The following CLEC4F variants were observed in gnomAD, a reference collection of about 807,000 sequenced individuals.
CLEC4F encodes the protein C-type lectin domain family 4 member F.
In CLEC4F, 45 loss-of-function variants were observed where a neutral mutation model predicts 53.4. That is an observed-to-expected ratio of 0.84 (90% CI 0.66 to 1.08). The LOEUF is 1.08. Ranked by LOEUF, CLEC4F falls within the 50% of genes least tolerant of loss-of-function variation. CLEC4F has a pLI of 0.00. For missense variants in CLEC4F, 753 were observed against 698.2 expected (o/e 1.08, Z -0.88); for synonymous variants, 245 against 257.5 (o/e 0.95, Z 0.46).
upstream of CLEC4F, among the ~76,000 whole-genome samples, chr2:70,822,806 G>A (rs7573144): frequency 0.61 from 93,560 of 152,146 alleles, 29,229 homozygotes; most frequent in Middle Eastern, 0.7. Context: ...TCCATGTTGT[G>A]TTGTTTCTTT....
intron 5 of CLEC4F, chr2:70,811,005 T>C: frequency 1.7e-6 from 1 of 599,246 alleles, no homozygotes. Context: ...GGCATACTGA[T>C]TTTGGTGTCA....
At position 70,820,582 on chromosome 2, in the gene CLEC4F, C is replaced by T; in HGVS notation, c.-59G>A. 6 of 1,518,502 alleles carry T rather than the reference C, an allele frequency of 4.0e-6. No individual in the cohort carries two copies. Among genetic ancestry groups the T allele is most frequent in the African/African-American group, 1.4e-5 (1 of 72,552 alleles). The allele number at this position is 1,518,502 out of a possible 1,614,324, so 94.1% of individuals were successfully genotyped here. ...GCCACTGGCTCCTGGAAGGGCCGTC[C>T]CGTGGACCAATGGCAGTGGAAGCAA... On this transcript the variant is annotated 5_prime_UTR_variant, in exon 1 of 7. Transcript: ENST00000272367.
intron 3 of CLEC4F, 60 bp from the exon 4 acceptor site, chr2:70,817,172 T>C: frequency 6.6e-7 from 1 of 1,520,856 alleles, no homozygotes; most frequent in Non-Finnish European, 8.8e-7. Flanking sequence ...TAGCATTTTA[T>C]GGGCCACCCA....
At chr2:70,824,507 A>G (rs1047393732), upstream of CLEC4F, among the ~76,000 whole-genome samples, 1 of 151,944 alleles carries the variant, frequency 6.6e-6, no homozygotes, top group African/African-American at 2.4e-5. Flanking sequence ...ATTCTCCAAA[A>G]AAAGGAAACC....
chr2:70,812,727 C>T (rs782443798), intron 4 of CLEC4F, 129 bp from the exon 5 acceptor site: 158 of 943,530 alleles, frequency 1.7e-4, no homozygotes, highest in Non-Finnish European at 2.3e-4. Flanking sequence ...ATGTGCAGTG[C>T]TCCAGGAGAA....
chr2:70,816,983 G>C lies in CLEC4F; in HGVS notation c.398C>G (p.Ser133Trp). Residue 133 changes from serine to tryptophan, a missense_variant, in exon 4 of 7, where the codon TCG becomes TGG. Ser to Trp is a radical substitution (Grantham distance 177). Transcript: ENST00000272367. ...ATGATCACCGAGCACCTGGAGCTGC[G>C]AATTGACATTGTCCACTCTGCACTT... ...MLKCRVDNVN[S>W]QLQVLGDHLG... 1 of 1,614,142 alleles carries C rather than the reference G, an allele frequency of 6.2e-7. No individual in the cohort carries two copies. Among genetic ancestry groups the C allele is most frequent in the Non-Finnish European group, 8.5e-7 (1 of 1,180,028 alleles).
At chr2:70,809,658 TACTGGGAAGGGACAC>T (rs1676437315) in intron 6 of CLEC4F, 66 bp downstream of exon 6, 3 of 1,078,278 alleles carry the variant, frequency 2.8e-6, no homozygotes, top group Non-Finnish European at 4.3e-6. Flanking sequence ...CACTACCACT[TACTGGGAAGGGACAC>T]ACAGTGTGTA....
In CLEC4F at chr2:70,809,816, G is replaced by C. The variant is rs561064679; in HGVS notation, c.1581C>G (p.Ile527Met). 3 of 1,614,038 alleles carry C rather than the reference G, an allele frequency of 1.9e-6. No homozygotes were observed. The South Asian group carries it at 3.3e-5, about 18-fold the overall frequency. Residue 527 changes from isoleucine to methionine, a missense_variant, in exon 6 of 7, where the codon ATC becomes ATG. Transcript: ENST00000272367. ...VEFTSKVYYW[I>M]GLTDRGTEGS... ...CCTCTGTGCCCCTGTCAGTGAGACCGATCCAGTAGTACACTTTACTTGTGA... is the reference window on the plus strand; with the variant it reads ...CCTCTGTGCCCCTGTCAGTGAGACCCATCCAGTAGTACACTTTACTTGTGA...
chr2:70,817,196 A>G, intron 3 of CLEC4F, 84 bp from the exon 4 acceptor site: 2 of 1,420,698 alleles, frequency 1.4e-6, no homozygotes, highest in Non-Finnish European at 1.9e-6. Context: ...TGTTTCTAAC[A>G]TTTCCAAGGG....
At chr2:70,812,799 G>A (rs1411322358) in intron 4 of CLEC4F, among the ~76,000 whole-genome samples, 1 of 152,114 alleles carries the variant, frequency 6.6e-6, no homozygotes, top group East Asian at 1.9e-4. Flanking sequence ...CCCTCAAGAC[G>A]CCTGGCTTGG....
At position 70,816,778 on chromosome 2, in the gene CLEC4F, T is replaced by C; in HGVS notation, c.603A>G (p.Leu201=). 6.2e-7 allele frequency: 1 copy of C among 1,614,160 alleles called. No individual in the cohort carries two copies. The highest frequency in any genetic ancestry group is 8.5e-7 in the Non-Finnish European group (1 of 1,180,036). Residue 201 remains leucine, a synonymous_variant, in exon 4 of 7, where the codon TTA becomes TTG. Coordinates refer to ENST00000272367, the MANE Select transcript of CLEC4F (RefSeq NM_173535.3). ...TGCTGGTGTTTTCTAAACTGCTTTTTAAGAAATTCAGCGTCTGGAAAGTTA... is the reference window on the plus strand; with the variant it reads ...TGCTGGTGTTTTCTAAACTGCTTTTCAAGAAATTCAGCGTCTGGAAAGTTA... ...DALTFQTLNF[L]KSSLENTSIE... is the part of the protein sequence containing the mutation.
intron 5 of CLEC4F, among the ~76,000 whole-genome samples, 193 bp downstream of exon 5, chr2:70,812,254 C>T (rs1445474046): frequency 6.6e-6 from 1 of 152,172 alleles, no homozygotes; most frequent in Non-Finnish European, 1.5e-5. Context: ...TCATGGAAGA[C>T]ATGGAGGTTT....
chr2:70,810,032 C>T (rs1488571753), intron 5 of CLEC4F, among the ~76,000 whole-genome samples, 175 bp from the exon 6 acceptor site: 1 of 152,144 alleles, frequency 6.6e-6, no homozygotes, highest in African/African-American at 2.4e-5. Flanking sequence ...TAAGACAAAA[C>T]TGTGTACTAT....
intron 6 of CLEC4F, 27 bp from the exon 7 acceptor site, chr2:70,809,409 G>GA (rs1676414514): frequency 3.2e-6 from 5 of 1,576,924 alleles, no homozygotes; most frequent in African/African-American, 1.4e-5. Flanking sequence ...GAAAAAAACA[G>GA]AAAGACCCAC....
At chr2:70,817,237 C>G in intron 3 of CLEC4F, 125 bp from the exon 4 acceptor site, 2 of 992,972 alleles carry the variant, frequency 2.0e-6, no homozygotes, top group Non-Finnish European at 1.4e-6. Flanking sequence ...TCAGTGCTCC[C>G]CCAAGCACCC....
At chr2:70,813,008 C>A (rs782509658) in intron 4 of CLEC4F, among the ~76,000 whole-genome samples, 9 of 145,810 alleles carry the variant, frequency 6.2e-5, no homozygotes. Flanking sequence ...ACTGCCACAC[C>A]CATGGCCATC....
chr2:70,812,632 G>C (rs371247655), intron 4 of CLEC4F, 34 bp from the exon 5 acceptor site: 1 of 1,611,048 alleles, frequency 6.2e-7, no homozygotes, highest in Non-Finnish European at 8.5e-7. Flanking sequence ...AGAGAACCAG[G>C]AGCTGCTGGT....
rs1676447042 is a variant in CLEC4F, at chr2:70,809,785, A to C, written c.1612T>G (p.Trp538Gly). The stretch of plus-strand genomic sequence containing the variant: ...AATGGTGTCCCATCTGTCCAGCGCC[A>C]GGAGCCCTCTGTGCCCCTGTCAGTG... ...GLTDRGTEGS[W>G]RWTDGTPFNA... The change falls in exon 6 of 7, where the codon TGG (tryptophan) becomes GGG (glycine). Residue 538 changes from tryptophan to glycine, a missense_variant. Physicochemically the swap from Trp to Gly is radical, Grantham distance 184 (BLOSUM62 -2). Transcript: ENST00000272367. The C allele has an allele frequency of 1.9e-6, 3 of 1,614,186 alleles. No homozygotes were observed. The East Asian group carries it at 6.7e-5, about 36-fold the overall frequency.
At position 70,812,699 on chromosome 2, in the gene CLEC4F, A is replaced by G. The variant is rs1676634876; in HGVS notation, c.1388-101T>C. ...CTAGGGCCTGCCCACTGAGGTTCAC[A>G]AGCCCATGAAATTCTTGATGTGCAG... On this transcript the variant is annotated intron_variant, in intron 4 of 6. Coordinates refer to ENST00000272367, the MANE Select transcript of CLEC4F (RefSeq NM_173535.3). 7 of 1,215,552 alleles carry G rather than the reference A, an allele frequency of 5.8e-6. No homozygotes were observed. The East Asian group carries it at 1.6e-4, about 28-fold the overall frequency. 75.3% of individuals were successfully genotyped at this position (1,215,552 alleles called of 1,614,324 possible). A position where few individuals can be genotyped will look rare whatever the true frequency, so the allele number is the denominator to read the frequency against.
Sources: allele counts gnomAD v4.1 joint callset (sites outside exome capture counted in the v4.1 genomes callset), GRCh38; gene constraint gnomAD v4.1.1; transcripts MANE v1.5; gene names NCBI Gene and HGNC (gene_info 2026-07-23, HGNC 2026-07-21).